Variants in WDR27 observed in about 807,000 individuals in gnomAD.
WDR27 encodes WD repeat domain 27, also known as WD repeat-containing protein 27.
In WDR27, 100 loss-of-function variants were observed where a neutral mutation model predicts 114.4. The ratio of observed to expected loss-of-function variants is 0.87; its 90% CI spans 0.74 to 1.03. WDR27 has a LOEUF of 1.03. Ranked by LOEUF, WDR27 falls within the 50% of genes least tolerant of loss-of-function variation. WDR27 has a pLI of 0.00. For synonymous variants in WDR27, 449 were observed against 423.1 expected, an observed-to-expected ratio of 1.06 and a Z score of -0.75; for missense variants, 1,129 against 1,092.9, an observed-to-expected ratio of 1.03 and a Z score of -0.47.
chr6:169,660,134 G>C (rs897482484), intron 10 of WDR27, among the ~76,000 whole-genome samples: 1 of 149,110 alleles, frequency 6.7e-6, no homozygotes, highest in African/African-American at 2.5e-5. Flanking sequence ...TGGGCAGAAA[G>C]AGTGCGGCTG....
In WDR27 at chr6:169,659,187, G is replaced by C. The variant is rs1825220349; in HGVS notation, c.1218C>G (p.Ser406=). The C allele has an allele frequency of 1.2e-6, 2 of 1,609,654 alleles. No homozygotes were observed. The highest frequency in any genetic ancestry group is 1.7e-5 in the Admixed American group (1 of 59,228). ...ADQKVLCLLA[S]LFGGKIAVLE... ...ACACGGCAATCTTCCCGCCAAAGAG[G>C]GAGGCCAGCAAGCACAGCACCTGCA... The change falls in exon 12 of 26, where the codon TCC becomes TCG. Residue 406 remains serine, a synonymous_variant. Coordinates refer to ENST00000448612, the MANE Select transcript of WDR27 (RefSeq NM_182552.5). This position sits in a 1 kb window ranked among gnomAD's most constrained non-coding sequence, Gnocchi z 4.3.
chr6:169,624,042 G>A (rs1315866512), intron 21 of WDR27, among the ~76,000 whole-genome samples: 3 of 152,104 alleles, frequency 2.0e-5, no homozygotes, highest in African/African-American at 7.2e-5. Flanking sequence ...CACATGCCGC[G>A]TGTGGGGTCA....
intron 9 of WDR27, 30 bp downstream of exon 9, chr6:169,662,274 T>C (rs915044677): frequency 6.2e-7 from 1 of 1,606,458 alleles, no homozygotes. Context: ...GTTTCCTTTA[T>C]GTGGCATAGG....
the WDR27 span, among the ~76,000 whole-genome samples, chr6:169,448,697 C>T: frequency 3.3e-5 from 5 of 152,258 alleles, no homozygotes; most frequent in South Asian, 2.1e-4. Context: ...TGCACGTGGC[C>T]GTGTGGCCTA....
chr6:169,654,875 GCA>G (rs1270201098), intron 13 of WDR27, among the ~76,000 whole-genome samples: 1 of 152,138 alleles, frequency 6.6e-6, no homozygotes, highest in Admixed American at 6.5e-5. Flanking sequence ...AAGGAAGCGC[GCA>G]CAGAGGAGTT....
intron 24 of WDR27, among the ~76,000 whole-genome samples, chr6:169,578,778 G>A (rs956691636): frequency 2.6e-5 from 4 of 152,258 alleles, no homozygotes; most frequent in East Asian, 1.9e-4. Context: ...ATTTTATACG[G>A]CATCATTTGT....
chr6:169,497,258 A>G (rs973738137), intron 25 of WDR27, among the ~76,000 whole-genome samples: 4 of 152,152 alleles, frequency 2.6e-5, no homozygotes, highest in Non-Finnish European at 5.9e-5. Flanking sequence ...AAAACCATGT[A>G]CAAAAACTAA....
At position 169,602,292 on chromosome 6, in the gene WDR27, G is replaced by T; in HGVS notation, c.2351C>A (p.Thr784Asn). ...RCERHFEGHP[T>N]RGYPCGIAFS... ...AGCGATTCCACATGGATAGCCGCGGGTTGGATGCCCTTCAAAGTGGCGCTC... is the reference window on the plus strand; with the variant it reads ...AGCGATTCCACATGGATAGCCGCGGTTTGGATGCCCTTCAAAGTGGCGCTC... Residue 784 changes from threonine (T) to asparagine (N), a missense_variant, in exon 23 of 26, where the codon ACC becomes AAC. Transcript: ENST00000448612. 1 of 1,563,232 alleles carries T rather than the reference G, an allele frequency of 6.4e-7. No homozygotes were observed. The highest frequency in any genetic ancestry group is 8.7e-7 in the Non-Finnish European group (1 of 1,152,328).
intron 25 of WDR27, among the ~76,000 whole-genome samples, chr6:169,526,962 G>A (rs76259766): frequency 0.017 from 2,615 of 152,234 alleles, 63 homozygotes; most frequent in African/African-American, 0.057. Flanking sequence ...GTACCACTCC[G>A]CATGAATAGT....
the WDR27 span, among the ~76,000 whole-genome samples, chr6:169,443,370 T>G: frequency 6.6e-6 from 1 of 152,264 alleles, no homozygotes; most frequent in East Asian, 1.9e-4. Context: ...AGAGAATGGT[T>G]CCATTCGCTT....
At chr6:169,549,647 A>C (rs1797855061) in intron 25 of WDR27, among the ~76,000 whole-genome samples, 1 of 152,242 alleles carries the variant, frequency 6.6e-6, no homozygotes. Flanking sequence ...GTGAACTGAT[A>C]AATAAAACTG....
rs190362058 is a variant in WDR27 at position 169,576,154 on chromosome 6, T to A, written c.2524-3614A>T. ...AATAACATTACAACATGAAATGTGG[T>A]AGAGTGTGTTCATGTTTGGAAATAT... On this transcript the variant is annotated intron_variant, in intron 24 of 25. Transcript: ENST00000448612. Among the ~76,000 whole-genome samples the A allele has an allele frequency of 3.3e-5, 5 of 152,254 alleles. No homozygotes were observed. In the South Asian group the frequency reaches 1.0e-3, roughly 31 times the overall value.
intron 14 of WDR27, among the ~76,000 whole-genome samples, chr6:169,651,210 A>G (rs1393367834): frequency 4.5e-3 from 369 of 82,358 alleles, no homozygotes; most frequent in African/African-American, 0.014. Flanking sequence ...GGAGTGGGGG[A>G]GTGGCCAGGG....
intron 22 of WDR27, among the ~76,000 whole-genome samples, chr6:169,607,680 C>G (rs1809536070): frequency 6.6e-6 from 1 of 152,054 alleles, no homozygotes; most frequent in Admixed American, 6.5e-5. Context: ...GGGCAGAATG[C>G]ACATTATTTG....
chr6:169,657,210 C>A (rs547014701), intron 13 of WDR27, among the ~76,000 whole-genome samples: 1 of 152,214 alleles, frequency 6.6e-6, no homozygotes, highest in African/African-American at 2.4e-5. Flanking sequence ...AAGCTCTCCC[C>A]GATCTGCAAG....
intron 25 of WDR27, among the ~76,000 whole-genome samples, chr6:169,464,407 G>T (rs1785283854): frequency 6.6e-6 from 1 of 152,122 alleles, no homozygotes; most frequent in South Asian, 2.1e-4. Flanking sequence ...AGACGTAAAT[G>T]TGAGATCCAA....
At chr6:169,602,186 C>T (rs749570111) in intron 23 of WDR27, 33 bp downstream of exon 23, 142 of 1,469,490 alleles carry the variant, frequency 9.7e-5, no homozygotes, top group Non-Finnish European at 1.2e-4. Context: ...AGTCTAGACT[C>T]TCTACATTTA....
intron 21 of WDR27, among the ~76,000 whole-genome samples, chr6:169,622,029 C>A (rs1813482964): frequency 6.6e-6 from 1 of 152,164 alleles, no homozygotes. Context: ...TTCAAAGTCA[C>A]CCCTCTGCTC....
At chr6:169,661,158 G>A (rs1825995758) in intron 9 of WDR27, among the ~76,000 whole-genome samples, 2 of 152,244 alleles carry the variant, frequency 1.3e-5, no homozygotes, top group African/African-American at 2.4e-5. Context: ...GATCCCCTGG[G>A]CACCTGCTAA....
Sources: allele counts gnomAD v4.1 joint callset (sites outside exome capture counted in the v4.1 genomes callset), GRCh38; gene constraint gnomAD v4.1.1; non-coding constraint Gnocchi (gnomAD v3.1); transcripts MANE v1.5; gene names NCBI Gene and HGNC (gene_info 2026-07-23, HGNC 2026-07-21).